CCDC3: variants seen among roughly 807,000 people sequenced by gnomAD.
CCDC3 encodes the protein coiled-coil domain-containing protein 3.
Under a neutral mutation model 21.4 loss-of-function variants are expected in CCDC3, and 24 were observed. That is an observed-to-expected ratio of 1.12 (90% CI 0.81 to 1.58). The LOEUF (loss-of-function observed/expected upper bound fraction) is 1.58. Ranked by LOEUF, CCDC3 falls within the 40% of genes most tolerant of loss-of-function variation. CCDC3 has a pLI of 0.00. For synonymous variants in CCDC3, 186 were observed against 166.0 expected, an observed-to-expected ratio of 1.12 and a Z score of -0.93; for missense variants, 425 against 360.9, an observed-to-expected ratio of 1.18 and a Z score of -1.44.
At chr10:12,982,421 A>T (rs901689354) in intron 2 of CCDC3, among the ~76,000 whole-genome samples, 3 of 151,948 alleles carry the variant, frequency 2.0e-5, no homozygotes, top group Non-Finnish European at 4.4e-5. Context: ...AATCCGCTAT[A>T]CGACAGCGTA....
chr10:12,954,996 C>A (rs1332095331), intron 2 of CCDC3, among the ~76,000 whole-genome samples: 1 of 152,150 alleles, frequency 6.6e-6, no homozygotes, highest in Non-Finnish European at 1.5e-5. Context: ...TACTGTCCCA[C>A]CTAGACATTA....
intron 4 of CCDC3, among the ~76,000 whole-genome samples, chr10:13,055,057 A>T (rs1836663371): frequency 6.6e-6 from 1 of 152,204 alleles, no homozygotes; most frequent in Admixed American, 6.5e-5. Flanking sequence ...TTATGCAGGC[A>T]GCTGCAAACA....
chr10:12,987,163 C>G (rs928691022), intron 2 of CCDC3, among the ~76,000 whole-genome samples: 1 of 152,228 alleles, frequency 6.6e-6, no homozygotes, highest in Non-Finnish European at 1.5e-5. Flanking sequence ...AATTCATCGT[C>G]TCTCACCTCC....
At chr10:12,971,448 AAAG>A (rs1564303531) in intron 2 of CCDC3, among the ~76,000 whole-genome samples, 1 of 152,174 alleles carries the variant, frequency 6.6e-6, no homozygotes, top group African/African-American at 2.4e-5. Context: ...GAGATGCAGA[AAAG>A]AAGGAACCCA....
chr10:12,987,401 A>G (rs890837858), intron 2 of CCDC3, among the ~76,000 whole-genome samples: 1 of 152,216 alleles, frequency 6.6e-6, no homozygotes, highest in African/African-American at 2.4e-5. Flanking sequence ...GCTGTAACAT[A>G]ACGCCTCACA....
chr10:12,898,959 T>C (rs1268805431), intron 2 of CCDC3, among the ~76,000 whole-genome samples: 1 of 152,176 alleles, frequency 6.6e-6, no homozygotes, highest in Non-Finnish European at 1.5e-5. Context: ...ATATTTGTCA[T>C]GCGTAGCAAA....
chr10:13,049,435 T>A (rs1836574475), intron 5 of CCDC3, among the ~76,000 whole-genome samples: 1 of 152,144 alleles, frequency 6.6e-6, no homozygotes, highest in Admixed American at 6.6e-5. Context: ...TCAGCCAAAA[T>A]GCATTTTGCT....
Position 13,001,339 on chromosome 10 carries a change from C to T in CCDC3, c.232G>A (p.Glu78Lys), listed in dbSNP as rs771700004. The T allele has an allele frequency of 1.2e-6, 2 of 1,604,130 alleles. No homozygotes were observed. Among genetic ancestry groups the T allele is most frequent in the African/African-American group, 1.3e-5 (1 of 74,976 alleles). The change falls in exon 1 of 3, where the codon GAG becomes AAG. Residue 78 changes from glutamate (E) to lysine (K), a missense_variant. By Grantham distance (56) the Glu-to-Lys change is moderately conservative. Transcript: ENST00000378825. ...GCCTGGTCGCACAGCATCTCGACCT[C>T]GGCCGAGTAGAAGAGGCCCCCCTGG... ...AGQGGLFYSA[E>K]VEMLCDQAWG...
intron 2 of CCDC3, among the ~76,000 whole-genome samples, chr10:12,981,177 A>AATT (rs761040220): frequency 9.5e-6 from 1 of 105,558 alleles, no homozygotes; most frequent in Non-Finnish European, 1.8e-5. Flanking sequence ...CTGGCCCAGG[A>AATT]TTTTTTTTTT....
intron 4 of CCDC3, among the ~76,000 whole-genome samples, chr10:13,062,834 G>A (rs11258165): frequency 6.6e-6 from 1 of 152,120 alleles, no homozygotes; most frequent in Admixed American, 6.5e-5. Flanking sequence ...CCTAAGATCA[G>A]TGCATGAGAT....
intron 2 of CCDC3, among the ~76,000 whole-genome samples, chr10:12,974,305 T>A (rs917627458): frequency 6.6e-6 from 1 of 152,114 alleles, no homozygotes; most frequent in Non-Finnish European, 1.5e-5. Context: ...CCTGGCCAAG[T>A]CGTCATCAAC....
At chr10:13,055,802 G>A (rs1001283391) in intron 4 of CCDC3, among the ~76,000 whole-genome samples, 2 of 152,164 alleles carry the variant, frequency 1.3e-5, no homozygotes, top group Admixed American at 1.3e-4. Context: ...TTGACCACAT[G>A]CTACAGTCTC....
chr10:13,090,030 GTTAGATATATAT>G (rs1837162023), intron 3 of CCDC3, among the ~76,000 whole-genome samples: 1 of 109,400 alleles, frequency 9.1e-6, no homozygotes. Context: ...GTAGTATTCC[GTTAGATATATAT>G]ATATATATAT....
intron 2 of CCDC3, among the ~76,000 whole-genome samples, chr10:12,980,250 G>A (rs1053578012): frequency 2.6e-5 from 4 of 152,210 alleles, no homozygotes; most frequent in Non-Finnish European, 5.9e-5. Context: ...TCTGCCAGGT[G>A]TCACAGCTGA....
intron 2 of CCDC3, among the ~76,000 whole-genome samples, chr10:12,934,609 C>G (rs1269175354): frequency 6.6e-6 from 1 of 152,056 alleles, no homozygotes; most frequent in Non-Finnish European, 1.5e-5. Flanking sequence ...CAGTTTTTGC[C>G]TCATATTTTG....
At chr10:13,084,085 C>T (rs992717118) in intron 3 of CCDC3, among the ~76,000 whole-genome samples, 4 of 152,198 alleles carry the variant, frequency 2.6e-5, no homozygotes, top group Admixed American at 6.5e-5. Flanking sequence ...ATAGTAATAT[C>T]GATTCTTGCA....
chr10:13,082,328 G>A (rs1462055931), intron 3 of CCDC3, among the ~76,000 whole-genome samples: 2 of 152,262 alleles, frequency 1.3e-5, no homozygotes, highest in Non-Finnish European at 2.9e-5. Flanking sequence ...CCAAGGCGGA[G>A]AGAGAGGACA....
At chr10:13,014,576 C>A (rs1246260224) in intron 5 of CCDC3, among the ~76,000 whole-genome samples, 1 of 151,470 alleles carries the variant, frequency 6.6e-6, no homozygotes, top group Admixed American at 6.6e-5. Flanking sequence ...AGACAAGTGG[C>A]AAGATGTGAA....
chr10:13,073,495 G>A (rs997664084), intron 4 of CCDC3, among the ~76,000 whole-genome samples: 4 of 151,688 alleles, frequency 2.6e-5, no homozygotes, highest in Admixed American at 6.6e-5. Context: ...ATCTTTCACC[G>A]TATTAGATGA....
Sources: allele counts gnomAD v4.1 joint callset (sites outside exome capture counted in the v4.1 genomes callset), GRCh38; gene constraint gnomAD v4.1.1; transcripts MANE v1.5; gene names NCBI Gene and HGNC (gene_info 2026-07-23, HGNC 2026-07-21).